LPAR1: variants seen among roughly 807,000 people sequenced by gnomAD.
LPAR1 encodes lysophosphatidic acid receptor 1.
LPAR1 carries 5 observed loss-of-function variants against 23.8 expected under a neutral mutation model. The ratio of observed to expected loss-of-function variants is 0.21; its 90% CI spans 0.11 to 0.44. The LOEUF is 0.44. Among genes scored for constraint, LPAR1 ranks in the 20% least tolerant of loss-of-function variants. The pLI is 0.99. For missense variants in LPAR1, 311 were observed against 482.8 expected (o/e 0.64, Z 3.33); for synonymous variants, 160 against 164.7 (o/e 0.97, Z 0.22).
Position 110,927,716 on chromosome 9 carries a change from G to A in LPAR1, c.793+13705C>T, listed in dbSNP as rs181711411. 4.1e-4 allele frequency among the ~76,000 whole-genome samples: 62 copies of A among 152,078 alleles called. No individual in the cohort carries two copies. In the East Asian group the frequency reaches 0.011, roughly 26 times the overall value. Reference sequence around the variant, plus strand: ...AAAATAAGGCCAAGGAAAAGTAAACGTGAGAGGAAAAATAACTCACAATAG... The same window carrying A: ...AAAATAAGGCCAAGGAAAAGTAAACATGAGAGGAAAAATAACTCACAATAG... On this transcript the variant is annotated intron_variant, in intron 5 of 5. Transcript: ENST00000683809.
intron 5 of LPAR1, among the ~76,000 whole-genome samples, chr9:110,919,342 C>A (rs939181887): frequency 4.6e-5 from 7 of 152,052 alleles, no homozygotes; most frequent in Non-Finnish European, 5.9e-5. Context: ...ACCTAAGGAA[C>A]TTGAAGCAGA....
At chr9:111,031,239 A>C (rs1381573673) in intron 2 of LPAR1, among the ~76,000 whole-genome samples, 2 of 152,078 alleles carry the variant, frequency 1.3e-5, no homozygotes, top group African/African-American at 4.8e-5. Context: ...TTAGTGAAGC[A>C]AAGCACCATG....
intron 2 of LPAR1, among the ~76,000 whole-genome samples, chr9:111,035,506 A>G (rs2097877492): frequency 6.6e-6 from 1 of 152,162 alleles, no homozygotes; most frequent in Non-Finnish European, 1.5e-5. Flanking sequence ...TTACAGGCAT[A>G]AGCCACCACA....
intron 2 of LPAR1, among the ~76,000 whole-genome samples, chr9:110,975,719 T>C (rs1450037896): frequency 6.6e-6 from 1 of 152,196 alleles, no homozygotes; most frequent in African/African-American, 2.4e-5. Context: ...CTATATAAAA[T>C]TTTAACCATT....
intron 2 of LPAR1, among the ~76,000 whole-genome samples, chr9:110,992,310 A>G (rs893419919): frequency 3.3e-5 from 5 of 152,198 alleles, no homozygotes; most frequent in African/African-American, 1.2e-4. Context: ...ACACCACTAC[A>G]TGACTATTAG....
At chr9:110,905,589 A>C (rs1313496636) in intron 5 of LPAR1, among the ~76,000 whole-genome samples, 1 of 151,958 alleles carries the variant, frequency 6.6e-6, no homozygotes, top group East Asian at 1.9e-4. Context: ...TCCAGACCTC[A>C]TGATCCGCCC....
intron 5 of LPAR1, among the ~76,000 whole-genome samples, chr9:110,929,380 A>C (rs1164083795): frequency 6.6e-6 from 1 of 152,222 alleles, no homozygotes; most frequent in Admixed American, 6.5e-5. Context: ...AAAAAAACAA[A>C]TTTCATTAAA....
At chr9:110,938,495 G>A (rs571809757) in intron 5 of LPAR1, among the ~76,000 whole-genome samples, 51 of 152,222 alleles carry the variant, frequency 3.4e-4, no homozygotes, top group African/African-American at 1.2e-3. Context: ...ACCTTACATG[G>A]TTTCAGGAAC....
At chr9:111,014,818 T>G (rs926665964) in intron 2 of LPAR1, among the ~76,000 whole-genome samples, 3 of 152,046 alleles carry the variant, frequency 2.0e-5, no homozygotes, top group African/African-American at 7.2e-5. Context: ...TCCATAGGGT[T>G]TGCAAATTCA....
chr9:110,905,220 T>C (rs2090809300), intron 5 of LPAR1, among the ~76,000 whole-genome samples: 1 of 152,240 alleles, frequency 6.6e-6, no homozygotes, highest in African/African-American at 2.4e-5. Flanking sequence ...TACCATGCTA[T>C]CCTATTCCAA....
chr9:111,031,612 T>C (rs1250258265), intron 2 of LPAR1, among the ~76,000 whole-genome samples: 1 of 151,914 alleles, frequency 6.6e-6, no homozygotes, highest in South Asian at 2.1e-4. Flanking sequence ...AAAAAATAAG[T>C]CTGACTTTCT....
intron 2 of LPAR1, among the ~76,000 whole-genome samples, chr9:110,996,638 C>G (rs187631621): frequency 6.6e-6 from 1 of 152,066 alleles, no homozygotes; most frequent in Admixed American, 6.6e-5. Flanking sequence ...CAAGTCATAG[C>G]GATAAAATGA....
chr9:110,909,197 C>G (rs1192145290), intron 5 of LPAR1, among the ~76,000 whole-genome samples: 1 of 152,234 alleles, frequency 6.6e-6, no homozygotes, highest in Non-Finnish European at 1.5e-5. Flanking sequence ...CCCATCTCCT[C>G]AGCTGCAGCA....
At chr9:110,928,529 T>C in intron 5 of LPAR1, among the ~76,000 whole-genome samples, 1 of 152,226 alleles carries the variant, frequency 6.6e-6, no homozygotes, top group Admixed American at 6.5e-5. Context: ...ACTTTTCTTC[T>C]AGAACATTAG....
intron 5 of LPAR1, among the ~76,000 whole-genome samples, chr9:110,934,659 A>G (rs2094581062): frequency 6.6e-6 from 1 of 152,200 alleles, no homozygotes; most frequent in African/African-American, 2.4e-5. Context: ...TTACAGAATA[A>G]ATAGAATCCT....
chr9:110,905,641 C>T (rs982321423), intron 5 of LPAR1, among the ~76,000 whole-genome samples: 41 of 152,100 alleles, frequency 2.7e-4, no homozygotes, highest in African/African-American at 8.4e-4. Context: ...GTGTGAGCCA[C>T]GGCACCCAGC....
chr9:110,904,119 G>T (rs1349981463), intron 5 of LPAR1, among the ~76,000 whole-genome samples: 1 of 152,042 alleles, frequency 6.6e-6, no homozygotes, highest in East Asian at 1.9e-4. Context: ...AGAAACAAAA[G>T]GACTGTGTTG....
At chr9:110,919,275 T>C (rs2093441593) in intron 5 of LPAR1, among the ~76,000 whole-genome samples, 1 of 151,890 alleles carries the variant, frequency 6.6e-6, no homozygotes, top group South Asian at 2.1e-4. Context: ...ATTGCTGGCC[T>C]TGAAGATGCA....
intron 2 of LPAR1, among the ~76,000 whole-genome samples, chr9:111,034,890 C>G (rs1438410882): frequency 6.6e-6 from 1 of 152,182 alleles, no homozygotes; most frequent in Non-Finnish European, 1.5e-5. Flanking sequence ...CTCACTTTGT[C>G]TTCATTCCCC....
Sources: allele counts gnomAD v4.1 joint callset (sites outside exome capture counted in the v4.1 genomes callset), GRCh38; gene constraint gnomAD v4.1.1; transcripts MANE v1.5; gene names NCBI Gene and HGNC (gene_info 2026-07-23, HGNC 2026-07-21).